Variants in EPYC observed in about 807,000 individuals in gnomAD.
EPYC encodes dermatan sulfate proteoglycan 3.
In EPYC, 28 loss-of-function variants were observed where a neutral mutation model predicts 30.1. That is an observed-to-expected ratio of 0.93 (90% CI 0.69 to 1.28). EPYC has a LOEUF of 1.28. Ranked by LOEUF, EPYC falls within the 50% of genes most tolerant of loss-of-function variation. EPYC has a pLI of 0.00. For synonymous variants in EPYC, 144 were observed against 141.4 expected (o/e 1.02, Z -0.13); for missense variants, 382 against 383.5 (o/e 1.00, Z 0.03).
At chr12:91,002,297 C>A in intron 2 of EPYC, 104 bp downstream of exon 2, 36 of 810,720 alleles carry the variant, frequency 4.4e-5, no homozygotes, top group Non-Finnish European at 4.9e-5. Flanking sequence ...AACATAAAAT[C>A]TTTCTACTTA....
In EPYC at chr12:90,972,009, GA is replaced by G. The variant is rs2120806595; in HGVS notation, c.500-8del. The G allele has an allele frequency of 6.2e-6, 9 of 1,450,652 alleles. No homozygotes were observed. The highest frequency in any genetic ancestry group is 1.4e-5 in the African/African-American group (1 of 70,162). The allele number at this position is 1,450,652 out of a possible 1,614,324, so 89.9% of individuals were successfully genotyped here. A position where few individuals can be genotyped will look rare whatever the true frequency, so the allele number is the denominator to read the frequency against. ...TCAATCCTTTTTAAATCACCTAGCA[GA>G]AAAAAATAAAGGAAGTAATTAAATA... On this transcript the variant is annotated splice_polypyrimidine_tract_variant and splice_region_variant and intron_variant, in intron 4 of 6. Coordinates refer to ENST00000261172, the MANE Select transcript of EPYC (RefSeq NM_004950.5).
chr12:90,981,924 G>GA (rs547540586), intron 2 of EPYC, among the ~76,000 whole-genome samples: 6 of 151,974 alleles, frequency 3.9e-5, no homozygotes, highest in African/African-American at 7.2e-5. Context: ...ATATGTTATG[G>GA]AAAAAAATGC....
intron 3 of EPYC, among the ~76,000 whole-genome samples, chr12:90,976,041 A>G (rs1481599279): frequency 1.3e-5 from 2 of 152,140 alleles, no homozygotes; most frequent in Non-Finnish European, 2.9e-5. Context: ...CTCTTCAAAA[A>G]GTTAATGTAG....
At position 90,972,975 on chromosome 12, in the gene EPYC, GA is replaced by G. The variant is rs1389679820; in HGVS notation, c.345del (p.Pro116GlnfsTer9). 6.3e-7 allele frequency: 1 copy of G among 1,579,248 alleles called. No individual in the cohort carries two copies. The highest frequency in any genetic ancestry group is 1.8e-5 in the Admixed American group (1 of 55,940). On this transcript the variant is annotated frameshift_variant, in exon 4 of 7. Transcript: ENST00000261172. LOFTEE classifies it high-confidence loss of function. ...ATACAAGTACACAAAAGACAGGTTG[GA>G]AAGTCTAAAAGATAAAGGAAAATAA... ...GVLGPHTNED[F>X]PTCLLCTCIS...
At chr12:90,966,663 G>A (rs1235460342) in intron 6 of EPYC, among the ~76,000 whole-genome samples, 1 of 152,072 alleles carries the variant, frequency 6.6e-6, no homozygotes, top group Admixed American at 6.5e-5. Flanking sequence ...GGTTAGGAAG[G>A]AAATGTTCTC....
intron 2 of EPYC, among the ~76,000 whole-genome samples, chr12:90,985,342 T>G (rs565055055): frequency 6.6e-6 from 1 of 152,212 alleles, no homozygotes; most frequent in East Asian, 1.9e-4. Context: ...GTCATCCAAC[T>G]CCCTCAAAAG....
intron 2 of EPYC, among the ~76,000 whole-genome samples, chr12:90,986,071 C>G (rs369073150): frequency 1.3e-5 from 2 of 152,194 alleles, no homozygotes. Flanking sequence ...GTCTCACACC[C>G]TTATTAGGGA....
Position 90,964,344 on chromosome 12 carries a change from A to G in EPYC, c.799-18T>C, listed in dbSNP as rs184682167. ...TTGTTATTCTAAAAAAGATGAAAAT[A>G]AATTATGACAAGATATAACACATTC... On this transcript the variant is annotated intron_variant, in intron 6 of 6. Transcript: ENST00000261172. 1 of 1,567,750 alleles carries G rather than the reference A, an allele frequency of 6.4e-7. No homozygotes were observed. Among genetic ancestry groups the G allele is most frequent in the East Asian group, 2.3e-5 (1 of 44,414 alleles).
chr12:91,002,308 T>C (rs926087067), intron 2 of EPYC, 93 bp downstream of exon 2: 7 of 1,086,958 alleles, frequency 6.4e-6, no homozygotes, highest in Non-Finnish European at 9.2e-6. Context: ...TTTCTACTTA[T>C]AAAAAAACCC....
At chr12:90,965,913 T>G (rs1876883161) in intron 6 of EPYC, among the ~76,000 whole-genome samples, 2 of 152,050 alleles carry the variant, frequency 1.3e-5, no homozygotes, top group Non-Finnish European at 2.9e-5. Context: ...TTCTTAATTT[T>G]TTTTCAGATT....
intron 3 of EPYC, among the ~76,000 whole-genome samples, chr12:90,976,907 G>A (rs1272035756): frequency 6.6e-6 from 1 of 152,104 alleles, no homozygotes; most frequent in Non-Finnish European, 1.5e-5. Flanking sequence ...TGCCATGTAA[G>A]ATACGCCTTT....
At chr12:90,992,653 G>T (rs1877612202) in intron 2 of EPYC, among the ~76,000 whole-genome samples, 1 of 152,258 alleles carries the variant, frequency 6.6e-6, no homozygotes, top group African/African-American at 2.4e-5. Context: ...TGCCACCATT[G>T]CATATTTACA....
chr12:90,988,117 A>G (rs941266532), intron 2 of EPYC, among the ~76,000 whole-genome samples: 10 of 152,174 alleles, frequency 6.6e-5, no homozygotes, highest in Admixed American at 5.2e-4. Context: ...TGTTCCTATT[A>G]TAACAGGAAA....
At chr12:90,978,310 C>T in intron 2 of EPYC, 48 bp from the exon 3 acceptor site, 1 of 1,547,264 alleles carries the variant, frequency 6.5e-7, no homozygotes, top group South Asian at 1.2e-5. Context: ...ACTTCTCAGT[C>T]ACTCTGTGTG....
chr12:90,980,913 G>A (rs141934909), intron 2 of EPYC, among the ~76,000 whole-genome samples: 7 of 152,010 alleles, frequency 4.6e-5, no homozygotes, highest in East Asian at 3.9e-4. Flanking sequence ...TCATTACTAC[G>A]TATGACTTTG....
At chr12:90,969,523 TA>T (rs71094700) in intron 6 of EPYC, among the ~76,000 whole-genome samples, 37 of 146,908 alleles carry the variant, frequency 2.5e-4, no homozygotes, top group African/African-American at 6.2e-4. Flanking sequence ...ATATGGTGTT[TA>T]AAAAAAAAAA....
At chr12:90,997,108 A>T (rs1398380067) in intron 2 of EPYC, among the ~76,000 whole-genome samples, 1 of 152,008 alleles carries the variant, frequency 6.6e-6, no homozygotes, top group Non-Finnish European at 1.5e-5. Flanking sequence ...CTGAGACCTG[A>T]GAGAAATTTT....
chr12:90,972,903 G>A lies in EPYC; in HGVS notation c.418C>T (p.Pro140Ser). The A allele has an allele frequency of 6.2e-7, 1 of 1,612,964 alleles. No individual in the cohort carries two copies. The highest frequency in any genetic ancestry group is 2.2e-5 in the East Asian group (1 of 44,840). Residue 140 changes from proline to serine, a missense_variant, in exon 4 of 7, where the codon CCG (proline) becomes TCG (serine). Transcript: ENST00000261172. ...CDDHELDAIP[P>S]LPKNTAYFYS... ...AAATAAGCGGTGTTCTTTGGCAGCG[G>A]AGGAATAGCATCAAGTTCATGGTCA...
chr12:91,000,330 T>C (rs1877793714), intron 2 of EPYC, among the ~76,000 whole-genome samples: 1 of 152,118 alleles, frequency 6.6e-6, no homozygotes, highest in African/African-American at 2.4e-5. Context: ...TTTCACATTA[T>C]ATTTGGCATT....
Sources: allele counts gnomAD v4.1 joint callset (sites outside exome capture counted in the v4.1 genomes callset), GRCh38; gene constraint gnomAD v4.1.1; transcripts MANE v1.5; gene names NCBI Gene and HGNC (gene_info 2026-07-23, HGNC 2026-07-21).